Variants in MLIP observed in about 807,000 individuals in gnomAD.
MLIP encodes muscular LMNA-interacting protein.
MLIP carries 79 observed loss-of-function variants against 84.8 expected under a neutral mutation model. That is an observed-to-expected ratio of 0.93 (90% CI 0.78 to 1.12). The LOEUF is 1.12. MLIP is among the 50% of genes most tolerant of loss of function. The pLI is 0.00. For synonymous variants in MLIP, 504 were observed against 463.0 expected, an observed-to-expected ratio of 1.09 and a Z score of -1.14; for missense variants, 1,257 against 1,160.6, an observed-to-expected ratio of 1.08 and a Z score of -1.21.
intron 1 of MLIP, among the ~76,000 whole-genome samples, chr6:54,044,963 T>G (rs998328555): frequency 3.3e-5 from 5 of 152,200 alleles, no homozygotes; most frequent in Admixed American, 6.5e-5. Context: ...AATTCTAGAT[T>G]TTTATTTAAA....
chr6:54,138,885 A>T (rs1265570318), intron 4 of MLIP, among the ~76,000 whole-genome samples: 1 of 152,218 alleles, frequency 6.6e-6, no homozygotes, highest in East Asian at 1.9e-4. Context: ...TCAATAAAAC[A>T]AAACAGTTAA....
intron 1 of MLIP, among the ~76,000 whole-genome samples, chr6:54,045,039 T>A (rs547075517): frequency 6.6e-6 from 1 of 152,276 alleles, no homozygotes; most frequent in African/African-American, 2.4e-5. Flanking sequence ...ATGATATCTC[T>A]TCCTTCAGTA....
intron 11 of MLIP, among the ~76,000 whole-genome samples, chr6:54,227,297 A>T (rs374631510): frequency 1.5e-4 from 23 of 152,284 alleles, no homozygotes; most frequent in African/African-American, 5.5e-4. Context: ...TTATAGCAGT[A>T]TGAGAACAGA....
At chr6:54,199,552 A>G (rs1421181191) in intron 10 of MLIP, among the ~76,000 whole-genome samples, 1 of 152,178 alleles carries the variant, frequency 6.6e-6, no homozygotes, top group Non-Finnish European at 1.5e-5. Flanking sequence ...TGCAGAGGCT[A>G]CCATGCAGAT....
intron 1 of MLIP, among the ~76,000 whole-genome samples, chr6:54,114,381 C>T (rs1271657452): frequency 6.6e-6 from 1 of 152,162 alleles, no homozygotes; most frequent in Admixed American, 6.5e-5. Context: ...ATTCTCAAAC[C>T]AGCTTCAACT....
At chr6:54,212,159 T>C (rs1289364507) in intron 11 of MLIP, among the ~76,000 whole-genome samples, 1 of 152,222 alleles carries the variant, frequency 6.6e-6, no homozygotes, top group African/African-American at 2.4e-5. Context: ...TTCTTACTTG[T>C]TTCCCTAATT....
intron 11 of MLIP, among the ~76,000 whole-genome samples, chr6:54,212,373 TG>T (rs1779517803): frequency 6.6e-6 from 1 of 152,150 alleles, no homozygotes; most frequent in Non-Finnish European, 1.5e-5. Flanking sequence ...TAAATACTGT[TG>T]GAGCCCTGAT....
intron 4 of MLIP, among the ~76,000 whole-genome samples, chr6:54,147,231 G>A (rs193029923): frequency 6.6e-6 from 1 of 152,278 alleles, no homozygotes; most frequent in East Asian, 1.9e-4. Flanking sequence ...TTGGACACAG[G>A]CAGGCTCTTT....
Position 54,221,009 on chromosome 6 carries a change from G to A in MLIP, c.2719-9705G>A, listed in dbSNP as rs150055853. Among the ~76,000 whole-genome samples the A allele has an allele frequency of 4.8e-4, 73 of 152,142 alleles. 1 individual carries two copies. In the East Asian group the frequency reaches 0.014, roughly 28 times the overall value. ...ATTATGAAAATCTTTGGGATCATTC[G>A]GAGTTTCTCAAGTTATCTCATGGCA... On this transcript the variant is annotated intron_variant, in intron 11 of 13. Coordinates refer to ENST00000502396, the MANE Select transcript of MLIP (RefSeq NM_001281747.2).
chr6:54,206,935 G>T (rs1404757369), intron 11 of MLIP, among the ~76,000 whole-genome samples: 1 of 152,126 alleles, frequency 6.6e-6, no homozygotes, highest in East Asian at 1.9e-4. Context: ...ATATTCTTCT[G>T]TCATAAAATC....
intron 12 of MLIP, among the ~76,000 whole-genome samples, chr6:54,253,317 T>C (rs1782769296): frequency 6.6e-6 from 1 of 152,118 alleles, no homozygotes; most frequent in East Asian, 1.9e-4. Context: ...TACAGATGAC[T>C]GAAGACAAAT....
At chr6:54,149,740 A>C (rs1265831383) in intron 5 of MLIP, among the ~76,000 whole-genome samples, 1 of 152,180 alleles carries the variant, frequency 6.6e-6, no homozygotes, top group Non-Finnish European at 1.5e-5. Context: ...CTGCTTTCAC[A>C]TGACTCCAAG....
intron 9 of MLIP, among the ~76,000 whole-genome samples, chr6:54,174,571 C>A (rs942197007): frequency 5.3e-5 from 8 of 151,896 alleles, no homozygotes; most frequent in Non-Finnish European, 7.4e-5. Context: ...CTATTGAAAT[C>A]TTTTGCCGAT....
chr6:54,117,344 A>C (rs995880243), intron 1 of MLIP, among the ~76,000 whole-genome samples: 5 of 149,888 alleles, frequency 3.3e-5, no homozygotes, highest in Non-Finnish European at 5.9e-5. Flanking sequence ...CCTCCCAAGT[A>C]GCTGGGACTA....
intron 1 of MLIP, among the ~76,000 whole-genome samples, chr6:54,021,894 A>G (rs1763518392): frequency 6.6e-6 from 1 of 152,216 alleles, no homozygotes; most frequent in Non-Finnish European, 1.5e-5. Context: ...TTAAAAGGAC[A>G]TTTCCACCTC....
chr6:54,252,365 A>G (rs1349724993), intron 12 of MLIP, among the ~76,000 whole-genome samples: 1 of 114,068 alleles, frequency 8.8e-6, no homozygotes, highest in East Asian at 2.4e-4. Flanking sequence ...TATACCATAT[A>G]CTATATAACT....
At chr6:54,148,915 T>C (rs985638860) in intron 4 of MLIP, 141 bp from the exon 5 acceptor site, 5 of 602,396 alleles carry the variant, frequency 8.3e-6, no homozygotes, top group Non-Finnish European at 1.1e-5. Flanking sequence ...TAATTGTTTC[T>C]GTCAGAAACA....
chr6:54,126,864 A>C (rs1462946063), intron 3 of MLIP, among the ~76,000 whole-genome samples: 1 of 152,162 alleles, frequency 6.6e-6, no homozygotes, highest in Non-Finnish European at 1.5e-5. Context: ...TCTGTAAATT[A>C]CCTCTATTGG....
At chr6:54,115,968 T>A (rs1455983772) in intron 1 of MLIP, among the ~76,000 whole-genome samples, 3 of 152,210 alleles carry the variant, frequency 2.0e-5, no homozygotes, top group South Asian at 2.1e-4. Context: ...AAGATTTTTT[T>A]AATTGCTCAC....
Sources: gnomAD v4.1 joint callset for allele counts (sites outside exome capture counted in the v4.1 genomes callset) on GRCh38, gnomAD v4.1.1 for gene constraint, MANE v1.5 for transcripts, NCBI Gene and HGNC (gene_info 2026-07-23, HGNC 2026-07-21) for gene names.